Variants in PCDH15 observed in about 807,000 individuals in gnomAD.
PCDH15 encodes the protein protocadherin-15.
A neutral mutation model predicts 178.5 loss-of-function variants in PCDH15; 129 were observed. The ratio of observed to expected loss-of-function variants is 0.72; its 90% confidence interval spans 0.63 to 0.84. The LOEUF is 0.84. Among genes scored for constraint, PCDH15 ranks in the 40% least tolerant of loss-of-function variants. The pLI, the probability that PCDH15 is intolerant of heterozygous loss-of-function variation, is 0.00. For synonymous variants in PCDH15, 800 were observed against 732.0 expected (o/e 1.09, Z -1.50); for missense variants, 2,230 against 2,099.9 (o/e 1.06, Z -1.21).
chr10:54,620,265 A>G (rs2093315218), intron 2 of PCDH15, among the ~76,000 whole-genome samples: 1 of 152,074 alleles, frequency 6.6e-6, no homozygotes, highest in Non-Finnish European at 1.5e-5. Flanking sequence ...TGATTGTAGC[A>G]TAATGGGAAA....
At chr10:54,721,906 G>A (rs1191971704) in intron 1 of PCDH15, among the ~76,000 whole-genome samples, 1 of 151,546 alleles carries the variant, frequency 6.6e-6, no homozygotes, top group Non-Finnish European at 1.5e-5. Flanking sequence ...ATCGAGCGAG[G>A]CGACAATGTA....
chr10:54,166,206 T>C (rs944137833), intron 13 of PCDH15, among the ~76,000 whole-genome samples: 1 of 152,222 alleles, frequency 6.6e-6, no homozygotes, highest in Admixed American at 6.5e-5. Context: ...CAGATCATCA[T>C]CCCCACTCAC....
chr10:55,044,619 CAAAT>C (rs1348386964), intron 2 of PCDH15, among the ~76,000 whole-genome samples: 1 of 152,036 alleles, frequency 6.6e-6, no homozygotes, highest in Non-Finnish European at 1.5e-5. Context: ...GATCTGCAGT[CAAAT>C]AAACTATAAT....
At chr10:55,122,707 G>C (rs1209989759) in intron 2 of PCDH15, among the ~76,000 whole-genome samples, 1 of 152,146 alleles carries the variant, frequency 6.6e-6, no homozygotes, top group East Asian at 1.9e-4. Flanking sequence ...TGAAACCTCA[G>C]AAGCTTGGCC....
chr10:54,433,182 A>C (rs1021966048), intron 3 of PCDH15, among the ~76,000 whole-genome samples: 4 of 152,184 alleles, frequency 2.6e-5, no homozygotes, highest in Non-Finnish European at 5.9e-5. Flanking sequence ...AAAACTAAAA[A>C]TAGAGCCACC....
chr10:55,565,517 A>G (rs909407178), intron 2 of PCDH15, among the ~76,000 whole-genome samples: 3 of 151,716 alleles, frequency 2.0e-5, no homozygotes, highest in Admixed American at 1.3e-4. Flanking sequence ...TAGAGCAGAG[A>G]TAGACAAAAT....
rs561757801 is a variant in PCDH15 at position 55,589,479 on chromosome 10, A to C, written c.-156+38146T>G. Among the ~76,000 whole-genome samples the C allele has an allele frequency of 3.7e-3, 565 of 152,132 alleles. 2 individuals carry two copies. Among genetic ancestry groups the C allele is most frequent in the Non-Finnish European group, 6.5e-3 (443 of 67,988 alleles). ...TTGACAAATGGGATCTAATTAAACT[A>C]AAGAGCTTCTGCACAGCAAAAGAAA... On this transcript the variant is annotated intron_variant, in intron 2 of 5. Coordinates refer to the PCDH15 transcript ENST00000613346.
chr10:54,280,422 C>T (rs1319008324), intron 8 of PCDH15, among the ~76,000 whole-genome samples: 1 of 151,624 alleles, frequency 6.6e-6, no homozygotes, highest in Admixed American at 6.6e-5. Flanking sequence ...TACACCATTA[C>T]AGTCCTCAGC....
intron 18 of PCDH15, among the ~76,000 whole-genome samples, chr10:54,050,950 T>C (rs2093759718): frequency 6.6e-6 from 1 of 152,154 alleles, no homozygotes; most frequent in Admixed American, 6.6e-5. Context: ...TCAAAAGATC[T>C]GATGTTTTAC....
intron 2 of PCDH15, among the ~76,000 whole-genome samples, chr10:55,336,333 A>C (rs926917968): frequency 4.0e-5 from 6 of 151,750 alleles, no homozygotes; most frequent in Non-Finnish European, 8.8e-5. Context: ...CCCCCTCTCT[A>C]CTAAAAATAC....
chr10:55,454,556 T>C (rs1839506547), intron 2 of PCDH15, among the ~76,000 whole-genome samples: 1 of 150,632 alleles, frequency 6.6e-6, no homozygotes, highest in South Asian at 2.1e-4. Flanking sequence ...GGTGGGCGGA[T>C]CATGAGATCA....
intron 2 of PCDH15, among the ~76,000 whole-genome samples, chr10:54,622,820 A>C (rs1484923034): frequency 7.7e-6 from 1 of 129,936 alleles, no homozygotes. Flanking sequence ...TATTTCCTGT[A>C]CACTATCTCT....
chr10:54,112,264 T>C (rs1254578509), intron 15 of PCDH15, among the ~76,000 whole-genome samples: 1 of 152,230 alleles, frequency 6.6e-6, no homozygotes, highest in Middle Eastern at 3.4e-3. Flanking sequence ...ACTGGAAAAT[T>C]CTTTGTTGGA....
At chr10:55,521,260 G>C (rs1203368971) in intron 2 of PCDH15, among the ~76,000 whole-genome samples, 1 of 151,898 alleles carries the variant, frequency 6.6e-6, no homozygotes, top group Non-Finnish European at 1.5e-5. Flanking sequence ...ATTTTCTTCT[G>C]TTTTTGACTA....
intron 1 of PCDH15, among the ~76,000 whole-genome samples, chr10:54,792,999 C>T (rs1317680769): frequency 1.3e-5 from 2 of 151,694 alleles, no homozygotes; most frequent in Non-Finnish European, 2.9e-5. Context: ...CTAGGTGAGC[C>T]TCTATTCCTA....
intron 3 of PCDH15, among the ~76,000 whole-genome samples, chr10:54,817,253 G>A (rs865805150): frequency 5.9e-5 from 9 of 152,004 alleles, no homozygotes; most frequent in Admixed American, 2.0e-4. Flanking sequence ...AATAGTCTTA[G>A]AAGCTGTAAT....
intron 18 of PCDH15, among the ~76,000 whole-genome samples, chr10:54,060,130 T>C (rs1320810780): frequency 6.6e-6 from 1 of 152,248 alleles, no homozygotes; most frequent in Non-Finnish European, 1.5e-5. Flanking sequence ...CATATATATG[T>C]TCATGTACTA....
At chr10:53,890,406 G>A (rs770443304) in intron 26 of PCDH15, among the ~76,000 whole-genome samples, 23 of 152,102 alleles carry the variant, frequency 1.5e-4, no homozygotes, top group Non-Finnish European at 2.4e-4. Context: ...CAGCCTGGGC[G>A]ACAGAGTGAG....
At chr10:55,285,311 A>C (rs1161934266) in intron 1 of PCDH15, among the ~76,000 whole-genome samples, 1 of 151,274 alleles carries the variant, frequency 6.6e-6, no homozygotes, top group African/African-American at 2.4e-5. Context: ...CCATAACATT[A>C]TGAACCACAC....
Sources: gnomAD v4.1 joint callset for allele counts (sites outside exome capture counted in the v4.1 genomes callset) on GRCh38, gnomAD v4.1.1 for gene constraint, MANE v1.5 for transcripts, NCBI Gene and HGNC (gene_info 2026-07-23, HGNC 2026-07-21) for gene names.